INTS2: variants seen among roughly 807,000 people sequenced by gnomAD.
The protein encoded by INTS2 is integrator complex subunit 2.
INTS2 carries 57 observed loss-of-function variants against 139.6 expected under a neutral mutation model. The observed-to-expected ratio is 0.41, with a 90% CI of 0.33 to 0.51. INTS2 has a LOEUF of 0.51. INTS2 is among the 20% of genes least tolerant of loss of function. The pLI is 0.28. For synonymous variants in INTS2, 473 were observed against 493.4 expected, an observed-to-expected ratio of 0.96 and a Z score of 0.55; for missense variants, 1,196 against 1,436.7, an observed-to-expected ratio of 0.83 and a Z score of 2.71.
intron 7 of INTS2, among the ~76,000 whole-genome samples, chr17:61,908,189 C>A (rs1417172702): frequency 6.6e-6 from 1 of 152,096 alleles, no homozygotes; most frequent in Admixed American, 6.6e-5. Flanking sequence ...CCAAGGCGGA[C>A]GGATCACTTG....
intron 17 of INTS2, among the ~76,000 whole-genome samples, chr17:61,880,797 T>TAAAAGGG (rs1430159926): frequency 2.8e-5 from 2 of 70,576 alleles, no homozygotes; most frequent in Middle Eastern, 0.014. Flanking sequence ...GGGAAAGGAG[T>TAAAAGGG]AAAAGGGGAA....
chr17:61,905,746 G>A (rs1476032324), intron 8 of INTS2, among the ~76,000 whole-genome samples: 2 of 151,922 alleles, frequency 1.3e-5, no homozygotes, highest in African/African-American at 2.4e-5. Flanking sequence ...TGCCCAGGCC[G>A]GACTGCAATG....
intron 5 of INTS2, among the ~76,000 whole-genome samples, chr17:61,912,610 C>T (rs1006226723): frequency 2.6e-5 from 4 of 151,598 alleles, no homozygotes; most frequent in East Asian, 1.9e-4. Flanking sequence ...GCGACAAAAG[C>T]GAAACTCCTT....
At chr17:61,884,830 C>T (rs1273065020) in intron 16 of INTS2, 71 bp downstream of exon 16, 4 of 953,936 alleles carry the variant, frequency 4.2e-6, no homozygotes, top group African/African-American at 1.7e-5. Context: ...ACCTATTACA[C>T]TTCATAACAT....
Position 61,885,000 on chromosome 17 carries a change from T to A in INTS2, c.1990A>T (p.Met664Leu). The change falls in exon 16 of 25, where the codon ATG becomes TTG. Residue 664 changes from methionine to leucine, a missense_variant. Around this residue, in one of 3 missense-constraint regions of INTS2, gnomAD observed 1,129 missense variants for 1,341.9 expected, o/e 0.84. Coordinates refer to ENST00000251334, the MANE Select transcript of INTS2 (RefSeq NM_001351695.2). ...GAATATGATTTGGGCTTTCTTTGCATGGCAGCTATCAAAGATAAAAAGTGT... is the reference window on the plus strand; with the variant it reads ...GAATATGATTTGGGCTTTCTTTGCAAGGCAGCTATCAAAGATAAAAAGTGT... ...LLANTKTLAAMQRKPKSYSSS... is the reference protein window; with the variant it reads ...LLANTKTLAALQRKPKSYSSS... The A allele has an allele frequency of 6.3e-7, 1 of 1,579,032 alleles. No homozygotes were observed. The highest frequency in any genetic ancestry group is 8.7e-7 in the Non-Finnish European group (1 of 1,155,730).
chr17:61,889,814 C>G lies in INTS2; in HGVS notation c.1956G>C (p.Glu652Asp). ...AAGTCTTCGTGTTTGCTAGAAGAGC[C>G]TCTTCATAAGACAGTATATAGTAGA... is the stretch of plus-strand genomic sequence containing the variant. ...LVLYYILSYE[E>D]ALLANTKTLA... The change falls in exon 15 of 25, where the codon GAG becomes GAC. Residue 652 changes from glutamate (E) to aspartate (D), a missense_variant. Coordinates refer to ENST00000251334, the MANE Select transcript of INTS2 (RefSeq NM_001351695.2). 6.2e-7 allele frequency: 1 copy of G among 1,605,430 alleles called. No homozygotes were observed. The highest frequency in any genetic ancestry group is 8.5e-7 in the Non-Finnish European group (1 of 1,173,168).
At chr17:61,915,231 G>A (rs1423739179) in intron 5 of INTS2, among the ~76,000 whole-genome samples, 5 of 151,752 alleles carry the variant, frequency 3.3e-5, no homozygotes, top group Admixed American at 6.6e-5. Context: ...CCAGCTACTC[G>A]GGAGGCTGAG....
intron 7 of INTS2, 52 bp from the exon 8 acceptor site, chr17:61,907,686 C>G: frequency 6.9e-7 from 1 of 1,445,272 alleles, no homozygotes; most frequent in Non-Finnish European, 9.5e-7. Flanking sequence ...ATTTACTAAA[C>G]TAAAAGGGAG....
Position 61,869,212 on chromosome 17 carries a change from G to T in INTS2, c.3138+61C>A. 7 of 1,440,684 alleles carry T rather than the reference G, an allele frequency of 4.9e-6. No homozygotes were observed. In the South Asian group the frequency reaches 8.3e-5, roughly 17 times the overall value. 89.2% of individuals were successfully genotyped at this position (1,440,684 alleles called of 1,614,324 possible). On this transcript the variant is annotated intron_variant, in intron 22 of 24. Coordinates refer to ENST00000251334, the MANE Select transcript of INTS2 (RefSeq NM_001351695.2). This position sits in a 1 kb window ranked among gnomAD's most constrained non-coding sequence, Gnocchi z 5.4. Reference sequence around the variant, plus strand: ...GGTATTAAAAATTATAAAATGTTTTGTATAACTAGTAAGACTGGAGAGAGA... The same window carrying T: ...GGTATTAAAAATTATAAAATGTTTTTTATAACTAGTAAGACTGGAGAGAGA...
Position 61,893,796 on chromosome 17 carries a change from C to G in INTS2, c.1667G>C (p.Arg556Pro). The G allele has an allele frequency of 6.3e-7, 1 of 1,588,150 alleles. No individual in the cohort carries two copies. Among genetic ancestry groups the G allele is most frequent in the South Asian group, 1.2e-5 (1 of 86,680 alleles). Residue 556 changes from arginine (R) to proline (P), a missense_variant, in exon 13 of 25, where the codon CGT becomes CCT. Arg to Pro is a moderately radical substitution (Grantham distance 103). Around this residue, in one of 3 missense-constraint regions of INTS2, gnomAD observed 1,129 missense variants for 1,341.9 expected, o/e 0.84. Coordinates refer to ENST00000251334, the MANE Select transcript of INTS2 (RefSeq NM_001351695.2). The surrounding 1 kb of genome is among the most constrained non-coding windows in gnomAD (Gnocchi z 5.4). ...TGACACTTTGTGCTTGGTAAAGGAACGGCTCCTGAGAAGCTGGTAAATACA... is the reference window on the plus strand; with the variant it reads ...TGACACTTTGTGCTTGGTAAAGGAAGGGCTCCTGAGAAGCTGGTAAATACA... ...IHCIYQLLRSRSFTKHKVSIK... is the reference protein window; with the variant it reads ...IHCIYQLLRSPSFTKHKVSIK...
intron 15 of INTS2, among the ~76,000 whole-genome samples, chr17:61,885,653 CA>C (rs2079220417): frequency 1.3e-5 from 2 of 151,578 alleles, no homozygotes; most frequent in African/African-American, 4.8e-5. Context: ...TTCCTGAACT[CA>C]GGGGGATCTA....
chr17:61,893,113 T>TA lies in INTS2; in HGVS notation c.1698+651dup, dbSNP rs527823336. Among the ~76,000 whole-genome samples the TA allele has an allele frequency of 3.7e-4, 54 of 147,492 alleles. No homozygotes were observed. The highest frequency in any genetic ancestry group is 5.4e-4 in the Non-Finnish European group (36 of 66,502). On this transcript the variant is annotated intron_variant, in intron 13 of 24. Coordinates refer to ENST00000251334, the MANE Select transcript of INTS2 (RefSeq NM_001351695.2). This position sits in a 1 kb window ranked among gnomAD's most constrained non-coding sequence, Gnocchi z 5.4. ...CAGAGTGAGACCCTGTCTTTAAAATTAAAAAAAAAAATTAGAAAATGGCAG... is the reference window on the plus strand; with the variant it reads ...CAGAGTGAGACCCTGTCTTTAAAATTAAAAAAAAAAAATTAGAAAATGGCAG...
At chr17:61,898,090 TA>T (rs2079367634) in intron 9 of INTS2, among the ~76,000 whole-genome samples, 1 of 152,134 alleles carries the variant, frequency 6.6e-6, no homozygotes, top group African/African-American at 2.4e-5. Context: ...TTATTTCATA[TA>T]GAAAAAAATC....
rs2079080027 is a variant in INTS2 at position 61,870,437 on chromosome 17, T to C, written c.2779-449A>G. 6.6e-6 allele frequency among the ~76,000 whole-genome samples: 1 copy of C among 152,176 alleles called. No homozygotes were observed. The highest frequency in any genetic ancestry group is 1.5e-5 in the Non-Finnish European group (1 of 68,036). On this transcript the variant is annotated intron_variant, in intron 20 of 24. Transcript: ENST00000251334. The surrounding 1 kb of genome is among the most constrained non-coding windows in gnomAD (Gnocchi z 4.4). ...AGTATGCTATCCTGATTTCCCTTTTTTTCAACCTGTTTAAGGCTCTGGTTT... is the reference window on the plus strand; with the variant it reads ...AGTATGCTATCCTGATTTCCCTTTTCTTCAACCTGTTTAAGGCTCTGGTTT...
In INTS2 at chr17:61,892,835, T is replaced by C. The variant is rs955820891; in HGVS notation, c.1698+930A>G. ...CAGGCATGGTGGCAGGAGCCTGTAA[T>C]ACCAGCTACTCAGGAGGCGGAAGCA... On this transcript the variant is annotated intron_variant, in intron 13 of 24. Transcript: ENST00000251334. 3.4e-5 allele frequency among the ~76,000 whole-genome samples: 5 copies of C among 148,810 alleles called. No individual in the cohort carries two copies. In the East Asian group the frequency reaches 9.9e-4, roughly 29 times the overall value.
At chr17:61,892,885 C>T (rs981005830) in intron 13 of INTS2, among the ~76,000 whole-genome samples, 1 of 137,486 alleles carries the variant, frequency 7.3e-6, no homozygotes, top group Non-Finnish European at 1.5e-5. Context: ...ACCCAGGAGG[C>T]GGAGGTTGCA....
chr17:61,891,185 C>T (rs1390587845), intron 14 of INTS2, among the ~76,000 whole-genome samples: 1 of 151,676 alleles, frequency 6.6e-6, no homozygotes, highest in African/African-American at 2.4e-5. Context: ...ATCCTAGCTA[C>T]TCGAGAGACT....
In INTS2 at chr17:61,868,518, T is replaced by G. The variant is rs1204491419; in HGVS notation, c.3245-509A>C. The stretch of plus-strand genomic sequence containing the variant: ...TATGCCATTACATTAAGGGTTGCAT[T>G]ATAGTTCATATATTTTAAAGTAGTT... On this transcript the variant is annotated intron_variant, in intron 23 of 24. Transcript: ENST00000251334. This position sits in a 1 kb window ranked among gnomAD's most constrained non-coding sequence, Gnocchi z 4.7. Among the ~76,000 whole-genome samples the G allele has an allele frequency of 6.6e-6, 1 of 152,178 alleles. No individual in the cohort carries two copies. The highest frequency in any genetic ancestry group is 1.9e-4 in the East Asian group (1 of 5,200).
intron 13 of INTS2, 47 bp from the exon 14 acceptor site, chr17:61,891,736 A>C: frequency 7.4e-7 from 1 of 1,349,068 alleles, no homozygotes; most frequent in Non-Finnish European, 1.0e-6. Context: ...GCAAAAAGAA[A>C]AACCAAGCAA....
Sources: allele counts gnomAD v4.1 joint callset (sites outside exome capture counted in the v4.1 genomes callset), GRCh38; gene constraint gnomAD v4.1.1; regional missense constraint gnomAD v4.1.1; non-coding constraint Gnocchi (gnomAD v3.1); transcripts MANE v1.5; gene names NCBI Gene and HGNC (gene_info 2026-07-23, HGNC 2026-07-21).